IL1RAPL1: variants seen among roughly 807,000 people sequenced by gnomAD.
IL1RAPL1 encodes interleukin 1 receptor accessory protein like 1.
IL1RAPL1 carries 3 observed loss-of-function variants against 48.4 expected under a neutral mutation model. That is an observed-to-expected ratio of 0.06 (90% CI 0.03 to 0.16). The LOEUF (loss-of-function observed/expected upper bound fraction) is 0.16. IL1RAPL1 is among the 10% of genes least tolerant of loss of function. IL1RAPL1 has a pLI of 1.00. For synonymous variants in IL1RAPL1, 185 were observed against 187.7 expected (o/e 0.99, Z 0.12); for missense variants, 349 against 530.6 (o/e 0.66, Z 3.36).
At chrX:29,896,357 C>T (rs1466451336) in intron 6 of IL1RAPL1, among the ~76,000 whole-genome samples, 2 of 109,378 alleles carry the variant, frequency 1.8e-5, no homozygotes, top group African/African-American at 6.8e-5. Flanking sequence ...GATACTTAAC[C>T]AGGGGAGAAG....
At chrX:29,720,849 G>T (rs1927621420) in intron 6 of IL1RAPL1, among the ~76,000 whole-genome samples, 1 of 112,186 alleles carries the variant, frequency 8.9e-6, no homozygotes, top group South Asian at 3.7e-4. Flanking sequence ...AGCAAAAATA[G>T]AATTTTGATT....
At chrX:29,137,547 G>T (rs1929157908) in intron 2 of IL1RAPL1, among the ~76,000 whole-genome samples, 1 of 111,714 alleles carries the variant, frequency 9.0e-6, no homozygotes, top group South Asian at 3.7e-4. Context: ...AGTTGAAATT[G>T]TTCTAAAATA....
intron 2 of IL1RAPL1, among the ~76,000 whole-genome samples, chrX:28,965,946 G>A (rs188802539): frequency 7.8e-5 from 7 of 90,048 alleles, no homozygotes; most frequent in Non-Finnish European, 1.6e-4. Flanking sequence ...TATTAGGCAT[G>A]TACTAAAAAA....
chrX:28,847,526 A>G (rs140140361), intron 2 of IL1RAPL1, among the ~76,000 whole-genome samples: 1 of 111,508 alleles, frequency 9.0e-6, no homozygotes, highest in African/African-American at 3.3e-5. Context: ...TCTCATGCAT[A>G]AACATCTGGC....
intron 2 of IL1RAPL1, among the ~76,000 whole-genome samples, chrX:28,825,026 T>C (rs1936977680): frequency 9.0e-6 from 1 of 111,511 alleles, no homozygotes; most frequent in Non-Finnish European, 1.9e-5. Context: ...TTCTAAAAGC[T>C]TCCAGGAGGA....
At chrX:29,137,072 T>G (rs1929143498) in intron 2 of IL1RAPL1, among the ~76,000 whole-genome samples, 1 of 111,092 alleles carries the variant, frequency 9.0e-6, no homozygotes, top group South Asian at 3.8e-4. Context: ...CATTGCCAAC[T>G]ACACACAGTC....
chrX:29,791,574 C>A (rs1185559356), intron 6 of IL1RAPL1, among the ~76,000 whole-genome samples: 1 of 108,030 alleles, frequency 9.3e-6, no homozygotes, highest in Non-Finnish European at 1.9e-5. Context: ...AGGCATGAAC[C>A]ACCATGCCTG....
chrX:29,479,863 G>A (rs1935019723), intron 5 of IL1RAPL1, among the ~76,000 whole-genome samples: 1 of 111,312 alleles, frequency 9.0e-6, no homozygotes, highest in Non-Finnish European at 1.9e-5. Flanking sequence ...CCTTTTTATG[G>A]CTAAGTAGTA....
chrX:29,344,723 C>T (rs1933127591), intron 3 of IL1RAPL1, among the ~76,000 whole-genome samples: 1 of 111,860 alleles, frequency 8.9e-6, no homozygotes, highest in South Asian at 3.7e-4. Flanking sequence ...CTGCAACCTC[C>T]ACCTCCCTGG....
intron 2 of IL1RAPL1, among the ~76,000 whole-genome samples, chrX:29,265,868 C>G (rs1486581309): frequency 9.1e-6 from 1 of 109,947 alleles, no homozygotes; most frequent in Admixed American, 9.8e-5. Flanking sequence ...TGTAAAAATG[C>G]TCACCATCAC....
At position 29,366,728 on chromosome X, in the gene IL1RAPL1, C is replaced by T. The variant is rs1324192586; in HGVS notation, c.363-29530C>T. On this transcript the variant is annotated intron_variant, in intron 3 of 10. Coordinates refer to ENST00000378993, the MANE Select transcript of IL1RAPL1 (RefSeq NM_014271.4). The stretch of plus-strand genomic sequence containing the variant: ...GGACTACAGGTACCCGGCACCACGC[C>T]CGGCTAATTTTCATATTTTTAGTAG... Among the ~76,000 whole-genome samples the T allele has an allele frequency of 1.4e-4, 15 of 107,997 alleles. No individual in the cohort carries two copies. In the Admixed American group the frequency reaches 1.5e-3, roughly 11 times the overall value. 93.8% of individuals were successfully genotyped at this position (107,997 alleles called of 115,157 possible).
chrX:29,017,322 G>T (rs1471825220), intron 2 of IL1RAPL1, among the ~76,000 whole-genome samples: 1 of 112,011 alleles, frequency 8.9e-6, no homozygotes, highest in African/African-American at 3.2e-5. Flanking sequence ...AAGAATGAAC[G>T]TGGAGTCTTT....
chrX:29,623,793 G>C (rs1446423196), intron 5 of IL1RAPL1, among the ~76,000 whole-genome samples: 2 of 112,034 alleles, frequency 1.8e-5, no homozygotes, highest in African/African-American at 6.5e-5. Context: ...GGAATTCCAC[G>C]TGCATCGCCT....
chrX:29,479,391 G>A (rs1358705240), intron 5 of IL1RAPL1, among the ~76,000 whole-genome samples: 1 of 72,615 alleles, frequency 1.4e-5, no homozygotes, highest in Non-Finnish European at 2.5e-5. Context: ...CTCCAGCCTG[G>A]GTGACAGAGC....
At chrX:28,780,363 G>GTGTGTGTGTGTC (rs56989010) in intron 1 of IL1RAPL1, among the ~76,000 whole-genome samples, 2,402 of 91,210 alleles carry the variant, frequency 0.026, 42 homozygotes, top group Middle Eastern at 0.049. Flanking sequence ...GTGTGTGTGT[G>GTGTGTGTGTGTC]TGTCTGTCTG....
chrX:28,839,585 C>G (rs1921314650), intron 2 of IL1RAPL1, among the ~76,000 whole-genome samples: 1 of 110,025 alleles, frequency 9.1e-6, no homozygotes, highest in Admixed American at 9.8e-5. Context: ...AGCTAGTGTT[C>G]AAGGCATTGA....
chrX:29,676,955 G>T (rs1295416223), intron 6 of IL1RAPL1, among the ~76,000 whole-genome samples: 1 of 112,003 alleles, frequency 8.9e-6, no homozygotes, highest in Non-Finnish European at 1.9e-5. Context: ...AACTACTCCT[G>T]AATTTGCAAA....
At chrX:29,311,641 T>C (rs1388753122) in intron 3 of IL1RAPL1, among the ~76,000 whole-genome samples, 1 of 112,283 alleles carries the variant, frequency 8.9e-6, no homozygotes, top group Non-Finnish European at 1.9e-5. Context: ...AATAGCCATA[T>C]GTTGCTAGTG....
chrX:29,270,053 G>T (rs1412920276), intron 2 of IL1RAPL1, among the ~76,000 whole-genome samples: 1 of 111,404 alleles, frequency 9.0e-6, no homozygotes, highest in Admixed American at 9.6e-5. Flanking sequence ...TTCACTTGGT[G>T]TAATTATTTT....
Sources: allele counts gnomAD v4.1 joint callset (sites outside exome capture counted in the v4.1 genomes callset), GRCh38; gene constraint gnomAD v4.1.1; transcripts MANE v1.5; gene names NCBI Gene and HGNC (gene_info 2026-07-23, HGNC 2026-07-21).